FOXN2: variants seen among roughly 807,000 people sequenced by gnomAD.
The protein encoded by FOXN2 is forkhead box N2, also known as forkhead box protein N2.
FOXN2 carries 19 observed loss-of-function variants against 41.2 expected under a neutral mutation model. The observed-to-expected ratio is 0.46, with a 90% confidence interval of 0.32 to 0.68. The LOEUF is 0.68. Among genes scored for constraint, FOXN2 ranks in the 30% least tolerant of loss-of-function variants. The pLI, the probability that FOXN2 is intolerant of heterozygous loss-of-function variation, is 0.03. For missense variants in FOXN2, 587 were observed against 509.4 expected, an observed-to-expected ratio of 1.15 and a Z score of -1.47; for synonymous variants, 195 against 176.8, an observed-to-expected ratio of 1.10 and a Z score of -0.82.
intron 5 of FOXN2, among the ~76,000 whole-genome samples, chr2:48,363,042 C>G (rs1483676795): frequency 6.6e-6 from 1 of 152,042 alleles, no homozygotes; most frequent in Non-Finnish European, 1.5e-5. Flanking sequence ...ACTCCTTCCA[C>G]CAATTAAAAA....
At chr2:48,325,949 G>A (rs772570360) in intron 1 of FOXN2, among the ~76,000 whole-genome samples, 19 of 149,640 alleles carry the variant, frequency 1.3e-4, no homozygotes, top group Non-Finnish European at 2.1e-4. Context: ...CCCAGGTTCA[G>A]ATGATTCTTG....
chr2:48,362,165 C>T (rs530738101), intron 4 of FOXN2, among the ~76,000 whole-genome samples: 1 of 152,208 alleles, frequency 6.6e-6, no homozygotes, highest in East Asian at 1.9e-4. Flanking sequence ...TATGCTCTTT[C>T]TGCTTTGGCA....
At chr2:48,349,240 C>T (rs1671300853) in intron 3 of FOXN2, among the ~76,000 whole-genome samples, 1 of 152,158 alleles carries the variant, frequency 6.6e-6, no homozygotes, top group Non-Finnish European at 1.5e-5. Context: ...AATCCCAGCA[C>T]TTTGGGAGGC....
intron 5 of FOXN2, among the ~76,000 whole-genome samples, chr2:48,368,412 T>C (rs1022601729): frequency 6.6e-6 from 1 of 152,154 alleles, no homozygotes; most frequent in African/African-American, 2.4e-5. Flanking sequence ...CGGTGGTTCA[T>C]GCTCGTAATC....
chr2:48,321,613 G>A (rs1344384722), intron 1 of FOXN2, among the ~76,000 whole-genome samples: 1 of 152,134 alleles, frequency 6.6e-6, no homozygotes, highest in South Asian at 2.1e-4. Context: ...ATTTTATGTG[G>A]TAAGGGTAAA....
chr2:48,345,843 T>C (rs1671060772), intron 2 of FOXN2, among the ~76,000 whole-genome samples: 1 of 152,186 alleles, frequency 6.6e-6, no homozygotes. Context: ...TAAAGTCTTA[T>C]AGTTCAAAGA....
At chr2:48,345,329 G>A (rs1671025040) in intron 2 of FOXN2, among the ~76,000 whole-genome samples, 2 of 152,142 alleles carry the variant, frequency 1.3e-5, no homozygotes, top group Non-Finnish European at 2.9e-5. Flanking sequence ...ACCAGATATG[G>A]GTGGTGGGGG....
At chr2:48,320,548 C>T (rs1486354621) in intron 1 of FOXN2, among the ~76,000 whole-genome samples, 1 of 152,096 alleles carries the variant, frequency 6.6e-6, no homozygotes, top group Non-Finnish European at 1.5e-5. Flanking sequence ...CCTCGGCCTC[C>T]CAAAGTGCTG....
intron 2 of FOXN2, among the ~76,000 whole-genome samples, chr2:48,339,053 C>T (rs1431712330): frequency 6.6e-6 from 1 of 151,988 alleles, no homozygotes; most frequent in South Asian, 2.1e-4. Context: ...AAGAATAAAT[C>T]CAAATGGCAT....
chr2:48,338,100 A>G (rs1382665100), intron 2 of FOXN2, among the ~76,000 whole-genome samples: 1 of 152,204 alleles, frequency 6.6e-6, no homozygotes, highest in Non-Finnish European at 1.5e-5. Flanking sequence ...GAGAATTGAT[A>G]CCCTATACAC....
intron 1 of FOXN2, among the ~76,000 whole-genome samples, chr2:48,323,376 T>A (rs1248678068): frequency 2.0e-5 from 3 of 152,194 alleles, no homozygotes; most frequent in East Asian, 3.8e-4. Flanking sequence ...ATTCCCCCTT[T>A]CTCCACATCC....
chr2:48,346,510 C>G lies in FOXN2; in HGVS notation c.296C>G (p.Ala99Gly). ...GATGATGTGCCATCCTTTGGACCAG[C>G]TTGCTACCAGAACCCAGAAAAAAAA... is the stretch of plus-strand genomic sequence containing the variant. Reference protein sequence around the residue: ...EGDDVPSFGPACYQNPEKKSA... With the variant: ...EGDDVPSFGPGCYQNPEKKSA... The change falls in exon 3 of 7, where the codon GCT becomes GGT. Residue 99 changes from alanine to glycine, a missense_variant. Physicochemically the swap from Ala to Gly is moderately conservative, Grantham distance 60 (BLOSUM62 0). Coordinates refer to ENST00000340553, the MANE Select transcript of FOXN2 (RefSeq NM_002158.4). 6.2e-7 allele frequency: 1 copy of G among 1,613,972 alleles called. No individual in the cohort carries two copies. The highest frequency in any genetic ancestry group is 8.5e-7 in the Non-Finnish European group (1 of 1,179,948).
chr2:48,330,813 T>C (rs1669975283), intron 2 of FOXN2, among the ~76,000 whole-genome samples: 1 of 152,196 alleles, frequency 6.6e-6, no homozygotes, highest in Non-Finnish European at 1.5e-5. Flanking sequence ...TTCACATGTT[T>C]AAGTATTTAA....
chr2:48,373,360 T>C lies in FOXN2; in HGVS notation c.772T>C (p.Cys258Arg), dbSNP rs1276709609. The change falls in exon 6 of 7, where the codon TGT becomes CGT. Residue 258 changes from cysteine (C) to arginine (R), a missense_variant and splice_region_variant. Transcript: ENST00000340553. ...NTSIEQGILE[C>R]EKPLPLKTAL... Reference sequence around the variant, plus strand: ...TTCTATAGAACAAGGAATTTTAGAATGTAAGTAATCATGCCTTTTTTAAAA... The same window carrying C: ...TTCTATAGAACAAGGAATTTTAGAACGTAAGTAATCATGCCTTTTTTAAAA... 3 of 1,564,828 alleles carry C rather than the reference T, an allele frequency of 1.9e-6. No homozygotes were observed. Among genetic ancestry groups the C allele is most frequent in the Non-Finnish European group, 2.6e-6 (3 of 1,153,794 alleles).
At chr2:48,315,420 C>T (rs991598000) in intron 1 of FOXN2, among the ~76,000 whole-genome samples, 1 of 152,074 alleles carries the variant, frequency 6.6e-6, no homozygotes, top group African/African-American at 2.4e-5. Flanking sequence ...GGAGCGACCC[C>T]GGCACCCTCT....
At chr2:48,338,016 C>G (rs2104299540) in intron 2 of FOXN2, among the ~76,000 whole-genome samples, 2 of 152,138 alleles carry the variant, frequency 1.3e-5, no homozygotes, top group Admixed American at 1.3e-4. Flanking sequence ...ATCCATGCAC[C>G]ATAGAAACAT....
intron 4 of FOXN2, among the ~76,000 whole-genome samples, chr2:48,361,909 C>G (rs1660266194): frequency 6.6e-6 from 1 of 152,050 alleles, no homozygotes; most frequent in Admixed American, 6.6e-5. Context: ...TTGGTAAATG[C>G]TTTTATTTTT....
chr2:48,336,518 C>G (rs990218348), intron 2 of FOXN2, among the ~76,000 whole-genome samples: 1 of 147,478 alleles, frequency 6.8e-6, no homozygotes, highest in Non-Finnish European at 1.5e-5. Flanking sequence ...AAGTATATAT[C>G]AAAATTTATA....
chr2:48,350,909 A>C (rs556365753), intron 3 of FOXN2, among the ~76,000 whole-genome samples: 8 of 152,220 alleles, frequency 5.3e-5, no homozygotes, highest in Non-Finnish European at 1.0e-4. Flanking sequence ...TGCTCTGCCA[A>C]AAGTAAGAGT....
Sources: allele counts gnomAD v4.1 joint callset (sites outside exome capture counted in the v4.1 genomes callset), GRCh38; gene constraint gnomAD v4.1.1; transcripts MANE v1.5; gene names NCBI Gene and HGNC (gene_info 2026-07-23, HGNC 2026-07-21).